Variants in SLC36A1 observed in about 807,000 individuals in gnomAD.
SLC36A1 encodes the protein solute carrier family 36 member 1, also known as proton-coupled amino acid transporter 1.
A neutral mutation model predicts 47.5 loss-of-function variants in SLC36A1; 30 were observed. The ratio of observed to expected loss-of-function variants is 0.63; its 90% CI spans 0.47 to 0.86. The LOEUF is 0.86. Ranked by LOEUF, SLC36A1 falls within the 40% of genes least tolerant of loss-of-function variation. The probability of loss-of-function intolerance (pLI) is 0.00; values close to 1 mark genes in which losing one functional copy is unlikely to be tolerated. For missense variants in SLC36A1, 517 were observed against 606.0 expected (o/e 0.85, Z 1.54); for synonymous variants, 255 against 249.7 (o/e 1.02, Z -0.20).
intron 9 of SLC36A1, 144 bp downstream of exon 9, chr5:151,476,900 C>G (rs1434154378): frequency 4.0e-6 from 4 of 1,010,886 alleles, no homozygotes; most frequent in Admixed American, 2.0e-5. Flanking sequence ...CCAGCCCTCA[C>G]TGGCTGCCCT....
chr5:151,413,268 G>A, the SLC36A1 span, among the ~76,000 whole-genome samples: 1 of 151,472 alleles, frequency 6.6e-6, no homozygotes, highest in East Asian at 1.9e-4. Context: ...TTTTATGATG[G>A]TGAAAATATA....
the SLC36A1 span, among the ~76,000 whole-genome samples, chr5:151,394,351 T>C: frequency 6.6e-6 from 1 of 152,358 alleles, no homozygotes; most frequent in African/African-American, 2.4e-5. Context: ...GGTTTGAACT[T>C]ACCCCTTTAG....
intron 2 of SLC36A1, among the ~76,000 whole-genome samples, chr5:151,462,674 T>C (rs1180478886): frequency 6.6e-6 from 1 of 152,008 alleles, no homozygotes; most frequent in African/African-American, 2.4e-5. Flanking sequence ...GACTTTTTTT[T>C]TTTTTTAAAT....
chr5:151,454,781 C>T (rs1194964185), intron 1 of SLC36A1, among the ~76,000 whole-genome samples: 3 of 141,042 alleles, frequency 2.1e-5, no homozygotes, highest in African/African-American at 5.5e-5. Context: ...GGCGCGATCT[C>T]GGCTCACTGC....
chr5:151,543,779 A>G, the SLC36A1 span: 2 of 1,614,200 alleles, frequency 1.2e-6, no homozygotes, highest in Non-Finnish European at 1.7e-6. Flanking sequence ...CTCAAATTGT[A>G]AGAAGAGTCC....
At chr5:151,345,091 C>T in the SLC36A1 span, among the ~76,000 whole-genome samples, 1 of 152,108 alleles carries the variant, frequency 6.6e-6, no homozygotes, top group Admixed American at 6.5e-5. Context: ...AAGTCTAAAC[C>T]ATCAGGAGAA....
chr5:151,345,740 A>C, the SLC36A1 span, among the ~76,000 whole-genome samples: 24 of 152,230 alleles, frequency 1.6e-4, no homozygotes, highest in African/African-American at 5.5e-4. Flanking sequence ...TGGGCCACTC[A>C]ACCAACTTGA....
the SLC36A1 span, among the ~76,000 whole-genome samples, chr5:151,366,281 C>T: frequency 1.7e-3 from 263 of 152,282 alleles, 1 homozygote; most frequent in African/African-American, 6.1e-3. Context: ...CTGTGGTGGC[C>T]CCATATAAAT....
chr5:151,538,716 T>C, the SLC36A1 span, among the ~76,000 whole-genome samples: 1 of 152,186 alleles, frequency 6.6e-6, no homozygotes, highest in Non-Finnish European at 1.5e-5. Flanking sequence ...CTCACTCTGT[T>C]GCCCAGGCTT....
At chr5:151,394,651 G>A in the SLC36A1 span, among the ~76,000 whole-genome samples, 1 of 152,226 alleles carries the variant, frequency 6.6e-6, no homozygotes, top group African/African-American at 2.4e-5. Flanking sequence ...GTCTGTTGGA[G>A]TTTACTGCAG....
rs1184933731 is a variant in SLC36A1, at chr5:151,492,289, C to G, written c.*4035C>G. On this transcript the variant is annotated 3_prime_UTR_variant, in exon 11 of 11. Transcript: ENST00000243389. ...GGTATGTGTAGCGATGTGGATCATG[C>G]CAGAGTTCGTAGATCCTGTTTTGGG... 1 of 152,078 alleles carries G rather than the reference C, an allele frequency of 6.6e-6. No individual in the cohort carries two copies. Among genetic ancestry groups the G allele is most frequent in the African/African-American group, 2.4e-5 (1 of 41,388 alleles). 9.4% of individuals were successfully genotyped at this position (152,078 alleles called of 1,614,324 possible). A position where few individuals can be genotyped will look rare whatever the true frequency, so the allele number is the denominator to read the frequency against.
At chr5:151,383,052 C>T in the SLC36A1 span, among the ~76,000 whole-genome samples, 2 of 152,180 alleles carry the variant, frequency 1.3e-5, no homozygotes, top group African/African-American at 4.8e-5. Flanking sequence ...GAGTGAGCCA[C>T]CGCACCCGGC....
chr5:151,488,244 C>T lies in SLC36A1; in HGVS notation c.1421C>T (p.Ala474Val), dbSNP rs776844859. Reference protein sequence around the residue: ...NAPIFINSTCAFI With the variant: ...NAPIFINSTCVFI ...CCCATCTTCATCAATTCCACCTGTG[C>T]CTTCATATAGGGATCTGGGTTCGTC... The change falls in exon 11 of 11, where the codon GCC (alanine) becomes GTC (valine). Residue 474 changes from alanine (A) to valine (V), a missense_variant. Coordinates refer to ENST00000243389, the MANE Select transcript of SLC36A1 (RefSeq NM_078483.4). The T allele has an allele frequency of 2.5e-6, 4 of 1,614,008 alleles. No homozygotes were observed. The Admixed American group carries it at 6.7e-5, about 27-fold the overall frequency.
At chr5:151,540,646 G>C in the SLC36A1 span, 2 of 1,614,204 alleles carry the variant, frequency 1.2e-6, no homozygotes, top group Non-Finnish European at 1.7e-6. Context: ...CTTGCCATCA[G>C]ATGCTGTGAC....
rs1245578463 is a variant in SLC36A1, at chr5:151,476,713, G to A, written c.946G>A (p.Ala316Thr). 12 of 1,612,988 alleles carry A rather than the reference G, an allele frequency of 7.4e-6. No homozygotes were observed. The highest frequency in any genetic ancestry group is 5.3e-5 in the African/African-American group (4 of 74,858). Residue 316 changes from alanine to threonine, a missense_variant, in exon 9 of 11, where the codon GCT (alanine) becomes ACT (threonine). Ala to Thr is a moderately conservative substitution (Grantham distance 58, BLOSUM62 0). Coordinates refer to ENST00000243389, the MANE Select transcript of SLC36A1 (RefSeq NM_078483.4). The part of the protein sequence containing the change: ...LGCLGYLQFG[A>T]NIQGSITLNL... ...GTGTCTGGGGTACCTGCAATTTGGA[G>A]CTAATATCCAAGGCAGCATAACCCT...
chr5:151,373,699 T>C, the SLC36A1 span, among the ~76,000 whole-genome samples: 1 of 152,206 alleles, frequency 6.6e-6, no homozygotes, highest in Non-Finnish European at 1.5e-5. Context: ...TCTTTGGAGA[T>C]GGTTAAAGTA....
the SLC36A1 span, chr5:151,545,572 G>A: frequency 1.9e-6 from 3 of 1,614,102 alleles, no homozygotes; most frequent in Admixed American, 5.0e-5. Context: ...AGGTCTGGGT[G>A]CAAATAATAC....
chr5:151,512,687 G>T, the SLC36A1 span: 1 of 1,314,666 alleles, frequency 7.6e-7, no homozygotes, highest in Non-Finnish European at 1.0e-6. The surrounding 1 kb of genome is among the most constrained non-coding windows in gnomAD (Gnocchi z 4.1). Flanking sequence ...TTCAAAGAAT[G>T]TTGTTTGTAT....
chr5:151,379,747 T>G, the SLC36A1 span, among the ~76,000 whole-genome samples: 1 of 152,236 alleles, frequency 6.6e-6, no homozygotes, highest in East Asian at 1.9e-4. Context: ...TGTGTAACAA[T>G]ATAAAAACTA....
Sources: allele counts gnomAD v4.1 joint callset (sites outside exome capture counted in the v4.1 genomes callset), GRCh38; gene constraint gnomAD v4.1.1; non-coding constraint Gnocchi (gnomAD v3.1); transcripts MANE v1.5; gene names NCBI Gene and HGNC (gene_info 2026-07-23, HGNC 2026-07-21).